Variants in GABRB1 observed in about 807,000 individuals in gnomAD.
GABRB1 encodes the protein gamma-aminobutyric acid type A receptor subunit beta1, also known as gamma-aminobutyric acid receptor subunit beta-1.
In GABRB1, 17 loss-of-function variants were observed where a neutral mutation model predicts 51.6. That is an observed-to-expected ratio of 0.33 (90% CI 0.23 to 0.49). The LOEUF (loss-of-function observed/expected upper bound fraction) is 0.49. Ranked by LOEUF, GABRB1 falls within the 20% of genes least tolerant of loss-of-function variation. The pLI, the probability that GABRB1 is intolerant of heterozygous loss-of-function variation, is 0.99. For missense variants in GABRB1, 410 were observed against 600.6 expected (o/e 0.68, Z 3.32); for synonymous variants, 247 against 218.9 (o/e 1.13, Z -1.14).
At chr4:47,315,833 ATAT>A (rs1012137901) in intron 4 of GABRB1, among the ~76,000 whole-genome samples, 6 of 151,564 alleles carry the variant, frequency 4.0e-5, no homozygotes, top group Admixed American at 3.9e-4. Flanking sequence ...TAAACATTAA[ATAT>A]TAATATATAT....
intron 4 of GABRB1, among the ~76,000 whole-genome samples, chr4:47,210,900 G>C (rs1030611201): frequency 5.9e-5 from 9 of 152,164 alleles, no homozygotes; most frequent in Admixed American, 5.2e-4. Context: ...GTAGATCATA[G>C]ATGACTTCTG....
At chr4:47,229,317 G>A (rs1194794172) in intron 4 of GABRB1, among the ~76,000 whole-genome samples, 1 of 152,116 alleles carries the variant, frequency 6.6e-6, no homozygotes, top group Non-Finnish European at 1.5e-5. Flanking sequence ...TTAAAAATAA[G>A]AGGGGCCAAA....
At chr4:47,387,318 G>C (rs534727618) in intron 5 of GABRB1, among the ~76,000 whole-genome samples, 2 of 152,080 alleles carry the variant, frequency 1.3e-5, no homozygotes, top group South Asian at 4.2e-4. Flanking sequence ...AAAATTAGAT[G>C]GCCTAATTTT....
chr4:47,128,800 T>C (rs1461094380), intron 3 of GABRB1, among the ~76,000 whole-genome samples: 1 of 152,022 alleles, frequency 6.6e-6, no homozygotes, highest in Admixed American at 6.5e-5. Context: ...CTAACTTTCT[T>C]TACCTTCGGA....
chr4:47,333,235 TACACACCACGTATTA>T (rs1725566710), intron 5 of GABRB1, among the ~76,000 whole-genome samples: 2 of 33,382 alleles, frequency 6.0e-5, no homozygotes, highest in Non-Finnish European at 1.3e-4. Context: ...TATATATATA[TACACACCACGTATTA>T]ATATGAATGT....
intron 3 of GABRB1, among the ~76,000 whole-genome samples, chr4:47,151,440 G>T (rs1357200978): frequency 2.0e-5 from 3 of 151,972 alleles, no homozygotes; most frequent in Non-Finnish European, 4.4e-5. Context: ...TGTGGGTTTT[G>T]ATATAAACTT....
intron 3 of GABRB1, among the ~76,000 whole-genome samples, chr4:47,069,186 A>G (rs1395344597): frequency 6.6e-6 from 1 of 152,196 alleles, no homozygotes; most frequent in Non-Finnish European, 1.5e-5. Context: ...TTCTGTTACC[A>G]TGTTAAATAT....
At position 47,185,103 on chromosome 4, in the gene GABRB1, T is replaced by C. The variant is rs543064670; in HGVS notation, c.461+23634T>C. On this transcript the variant is annotated intron_variant, in intron 4 of 8. Coordinates refer to ENST00000295454, the MANE Select transcript of GABRB1 (RefSeq NM_000812.4). ...TACTTCTATTGTGCCTCAAAGAATG[T>C]TCTGCTTGCATCTGACATTCAGAAA... Among the ~76,000 whole-genome samples, 4 of 152,012 alleles carry C rather than the reference T, an allele frequency of 2.6e-5. No individual in the cohort carries two copies. The East Asian group carries it at 7.7e-4, about 29-fold the overall frequency.
At chr4:47,080,489 A>C (rs1727783445) in intron 3 of GABRB1, among the ~76,000 whole-genome samples, 1 of 152,204 alleles carries the variant, frequency 6.6e-6, no homozygotes, top group Non-Finnish European at 1.5e-5. Context: ...ATGAAAATGC[A>C]GTATATTTTG....
At chr4:47,123,426 T>C (rs1715883687) in intron 3 of GABRB1, among the ~76,000 whole-genome samples, 1 of 117,838 alleles carries the variant, frequency 8.5e-6, no homozygotes, top group Non-Finnish European at 1.6e-5. Context: ...ATATATATTA[T>C]ATATTATAAT....
chr4:47,316,875 T>C (rs1435668840), intron 4 of GABRB1, among the ~76,000 whole-genome samples: 1 of 151,958 alleles, frequency 6.6e-6, no homozygotes, highest in Non-Finnish European at 1.5e-5. Flanking sequence ...CAATAAAAAA[T>C]AAATTGGTAA....
At chr4:47,394,904 G>T (rs1728129358) in intron 5 of GABRB1, among the ~76,000 whole-genome samples, 1 of 152,104 alleles carries the variant, frequency 6.6e-6, no homozygotes, top group Non-Finnish European at 1.5e-5. Flanking sequence ...GAAGAGGCAG[G>T]TCCGGGTGGT....
intron 4 of GABRB1, among the ~76,000 whole-genome samples, chr4:47,196,664 A>G (rs1719697775): frequency 6.6e-6 from 1 of 152,218 alleles, no homozygotes; most frequent in South Asian, 2.1e-4. Context: ...GAATACGTTT[A>G]GACATGTTGT....
chr4:47,191,882 G>A (rs1457789174), intron 4 of GABRB1, among the ~76,000 whole-genome samples: 2 of 151,926 alleles, frequency 1.3e-5, no homozygotes, highest in Non-Finnish European at 2.9e-5. Flanking sequence ...CTTGTAATTG[G>A]AAAACCCAAA....
intron 4 of GABRB1, among the ~76,000 whole-genome samples, chr4:47,258,108 C>T (rs1368665249): frequency 6.6e-6 from 1 of 152,104 alleles, no homozygotes; most frequent in Non-Finnish European, 1.5e-5. Flanking sequence ...TGTTCACCTC[C>T]TCTTCAGTTA....
intron 4 of GABRB1, among the ~76,000 whole-genome samples, chr4:47,195,437 TAGATAGATGATAGATA>T (rs1719629247): frequency 8.3e-6 from 1 of 120,526 alleles, no homozygotes; most frequent in African/African-American, 3.4e-5. Flanking sequence ...GATAGATAGA[TAGATAGATGATAGATA>T]GATTAGATGA....
chr4:47,385,293 T>G (rs1224707754), intron 5 of GABRB1, among the ~76,000 whole-genome samples: 4 of 152,214 alleles, frequency 2.6e-5, no homozygotes, highest in Non-Finnish European at 5.9e-5. Flanking sequence ...ACATGTTTTA[T>G]TTGGTTACAG....
chr4:47,160,439 G>A (rs958400950), intron 3 of GABRB1, among the ~76,000 whole-genome samples: 1 of 152,112 alleles, frequency 6.6e-6, no homozygotes, highest in Non-Finnish European at 1.5e-5. Flanking sequence ...CCAGATAAGG[G>A]CAAATTGATA....
intron 4 of GABRB1, among the ~76,000 whole-genome samples, chr4:47,205,106 T>G (rs1192007978): frequency 2.0e-5 from 3 of 152,156 alleles, no homozygotes; most frequent in Non-Finnish European, 4.4e-5. Context: ...ACTAGGTTGT[T>G]GGCATATGAA....
Sources: gnomAD v4.1 joint callset for allele counts (sites outside exome capture counted in the v4.1 genomes callset) on GRCh38, gnomAD v4.1.1 for gene constraint, MANE v1.5 for transcripts, NCBI Gene and HGNC (gene_info 2026-07-23, HGNC 2026-07-21) for gene names.